The following FNDC3A variants were observed in gnomAD, a reference collection of about 807,000 sequenced individuals.
FNDC3A encodes the protein fibronectin type-III domain-containing protein 3A.
In FNDC3A, 32 loss-of-function variants were observed where a neutral mutation model predicts 148.9. That is an observed-to-expected ratio of 0.21 (90% CI 0.16 to 0.29). FNDC3A has a LOEUF of 0.29. Ranked by LOEUF, FNDC3A falls within the 10% of genes least tolerant of loss-of-function variation. The pLI is 1.00. For missense variants in FNDC3A, 1,191 were observed against 1,452.8 expected (o/e 0.82, Z 2.93); for synonymous variants, 472 against 473.6 (o/e 1.00, Z 0.04).
intron 2 of FNDC3A, among the ~76,000 whole-genome samples, chr13:49,055,307 G>T (rs771873709): frequency 5.9e-5 from 9 of 151,950 alleles, no homozygotes; most frequent in Non-Finnish European, 8.8e-5. Context: ...TTGCTGTGTT[G>T]CCCAGTGTAA....
At chr13:49,141,262 GTTC>G (rs1302998331) in intron 7 of FNDC3A, among the ~76,000 whole-genome samples, 1 of 152,270 alleles carries the variant, frequency 6.6e-6, no homozygotes, top group African/African-American at 2.4e-5. Flanking sequence ...CTTTTCATTT[GTTC>G]TTCTTTGAAA....
intron 1 of FNDC3A, among the ~76,000 whole-genome samples, chr13:48,993,427 C>T (rs943529881): frequency 1.3e-5 from 2 of 152,172 alleles, no homozygotes; most frequent in African/African-American, 4.8e-5. Context: ...GATTTGAAAG[C>T]TGTGATCTTA....
intron 7 of FNDC3A, among the ~76,000 whole-genome samples, chr13:49,140,420 G>A (rs746316705): frequency 3.9e-5 from 6 of 152,114 alleles, no homozygotes; most frequent in Non-Finnish European, 8.8e-5. Flanking sequence ...TCAACATTAG[G>A]AAGAACATGT....
chr13:49,056,293 T>G (rs943961126), intron 2 of FNDC3A, among the ~76,000 whole-genome samples: 5 of 152,182 alleles, frequency 3.3e-5, no homozygotes, highest in African/African-American at 1.2e-4. Context: ...GATGGGATTA[T>G]GGGCATCAGC....
At chr13:49,143,857 G>T (rs907299568) in intron 7 of FNDC3A, among the ~76,000 whole-genome samples, 1 of 151,904 alleles carries the variant, frequency 6.6e-6, no homozygotes, top group East Asian at 1.9e-4. Flanking sequence ...CATAAAGTAG[G>T]TGCCAGGCTG....
intron 8 of FNDC3A, among the ~76,000 whole-genome samples, chr13:49,159,981 GT>G (rs1444081123): frequency 6.6e-6 from 1 of 152,216 alleles, no homozygotes; most frequent in Non-Finnish European, 1.5e-5. Flanking sequence ...CTTGATCATG[GT>G]GGATAAGCTT....
chr13:49,076,499 C>T (rs1291944392), intron 3 of FNDC3A, among the ~76,000 whole-genome samples: 2 of 151,824 alleles, frequency 1.3e-5, no homozygotes, highest in Non-Finnish European at 2.9e-5. Context: ...CCCACCTCAG[C>T]CTCCCAAAGT....
intron 4 of FNDC3A, among the ~76,000 whole-genome samples, chr13:49,115,848 G>T (rs755806424): frequency 3.9e-5 from 6 of 152,138 alleles, no homozygotes; most frequent in Non-Finnish European, 5.9e-5. Flanking sequence ...CAAATCCAAA[G>T]TCCTGCTTTC....
At position 48,976,141 on chromosome 13, in the gene FNDC3A, G is replaced by A. The variant is rs1394554596; in HGVS notation, c.-76G>A. 6.6e-6 allele frequency: 1 copy of A among 152,304 alleles called. No individual in the cohort carries two copies. Among genetic ancestry groups the A allele is most frequent in the East Asian group, 1.9e-4 (1 of 5,168 alleles). 9.4% of individuals were successfully genotyped at this position (152,304 alleles called of 1,614,324 possible). ...AGGAACCCTAAGAAGAGGCGCCAGA[G>A]GAGCCGCCTTCTGCCTCAGAACGGC... On this transcript the variant is annotated 5_prime_UTR_variant, in exon 1 of 26. Coordinates refer to ENST00000492622, the MANE Select transcript of FNDC3A (RefSeq NM_001079673.2).
At chr13:49,006,858 A>G (rs1952231169) in intron 2 of FNDC3A, among the ~76,000 whole-genome samples, 1 of 152,076 alleles carries the variant, frequency 6.6e-6, no homozygotes, top group African/African-American at 2.4e-5. Flanking sequence ...AATGTGCTTC[A>G]TTCTCATAAC....
intron 2 of FNDC3A, among the ~76,000 whole-genome samples, chr13:49,064,411 C>CCCCCCCCA: frequency 1.1e-5 from 1 of 90,060 alleles, no homozygotes; most frequent in African/African-American, 4.4e-5. Context: ...GCCCCCCCCC[C>CCCCCCCCA]AAAAAAAAAA....
intron 8 of FNDC3A, among the ~76,000 whole-genome samples, chr13:49,153,366 G>A (rs1239215478): frequency 1.3e-5 from 2 of 152,082 alleles, no homozygotes; most frequent in Admixed American, 6.6e-5. Flanking sequence ...TGATGGGGTT[G>A]TTTGTTTTTT....
chr13:49,150,300 C>T (rs1883215926), intron 8 of FNDC3A, among the ~76,000 whole-genome samples: 1 of 152,108 alleles, frequency 6.6e-6, no homozygotes, highest in African/African-American at 2.4e-5. Flanking sequence ...ATTTCTTCCA[C>T]TAATTTTGGA....
chr13:49,158,079 C>CCTAA (rs1167060427), intron 8 of FNDC3A, among the ~76,000 whole-genome samples: 1 of 152,208 alleles, frequency 6.6e-6, no homozygotes, highest in Non-Finnish European at 1.5e-5. Context: ...GCTTTGTTTA[C>CCTAA]CTAAGCAAGC....
At position 49,015,224 on chromosome 13, in the gene FNDC3A, C is replaced by T. The variant is rs182306083; in HGVS notation, c.99+8935C>T. On this transcript the variant is annotated intron_variant, in intron 2 of 25. Coordinates refer to ENST00000492622, the MANE Select transcript of FNDC3A (RefSeq NM_001079673.2). ...ATTTTCACGATACTGATTCTTCCTA[C>T]CCATTAGCATGGAATGTTCTTCCAT... is the stretch of plus-strand genomic sequence containing the variant. Among the ~76,000 whole-genome samples the T allele has an allele frequency of 2.4e-3, 367 of 152,268 alleles. 2 individuals carry two copies. The highest frequency in any genetic ancestry group is 8.6e-3 in the African/African-American group (357 of 41,544).
intron 11 of FNDC3A, among the ~76,000 whole-genome samples, chr13:49,174,161 T>TG (rs932176437): frequency 7.6e-4 from 115 of 152,298 alleles, no homozygotes; most frequent in African/African-American, 2.6e-3. Flanking sequence ...GGTCCATACC[T>TG]GCAGAGTTTC....
chr13:49,195,860 G>T (rs1005150017), intron 19 of FNDC3A, among the ~76,000 whole-genome samples: 1 of 151,992 alleles, frequency 6.6e-6, no homozygotes, highest in African/African-American at 2.4e-5. Context: ...GACCACTTGT[G>T]CCCAGGAGTC....
In FNDC3A at chr13:49,166,418, T is replaced by G. The variant is rs190560467; in HGVS notation, c.978-826T>G. ...GTGGGGCTCCAGACATGTGGAGATG[T>G]GGGGACTGTAGGGCTTGTGGGCAGG... On this transcript the variant is annotated intron_variant, in intron 8 of 25. Transcript: ENST00000492622. Among the ~76,000 whole-genome samples the G allele has an allele frequency of 6.2e-3, 950 of 152,208 alleles. 7 individuals carry two copies. Among genetic ancestry groups the G allele is most frequent in the Non-Finnish European group, 8.3e-3 (565 of 67,972 alleles).
chr13:49,022,797 T>C (rs945531701), intron 2 of FNDC3A, among the ~76,000 whole-genome samples: 1 of 152,044 alleles, frequency 6.6e-6, no homozygotes, highest in African/African-American at 2.4e-5. Flanking sequence ...CAATTAGTTT[T>C]TTTCTCCCAC....
Sources: gnomAD v4.1 joint callset for allele counts (sites outside exome capture counted in the v4.1 genomes callset) on GRCh38, gnomAD v4.1.1 for gene constraint, MANE v1.5 for transcripts, NCBI Gene and HGNC (gene_info 2026-07-23, HGNC 2026-07-21) for gene names.